TENM4: variants seen among roughly 807,000 people sequenced by gnomAD.
TENM4 encodes the protein teneurin transmembrane protein 4, also known as teneurin-4.
In TENM4, 82 loss-of-function variants were observed where a neutral mutation model predicts 243.3. That is an observed-to-expected ratio of 0.34 (90% CI 0.28 to 0.40). The LOEUF is 0.40. Ranked by LOEUF, TENM4 falls within the 10% of genes least tolerant of loss-of-function variation. The probability of loss-of-function intolerance (pLI) is 1.00; values close to 1 mark genes in which losing one functional copy is unlikely to be tolerated. For synonymous variants in TENM4, 1,412 were observed against 1,456.3 expected, an observed-to-expected ratio of 0.97 and a Z score of 0.69; for missense variants, 3,138 against 3,673.3, an observed-to-expected ratio of 0.85 and a Z score of 3.77.
chr11:79,301,215 G>T (rs1485287683), intron 1 of TENM4, among the ~76,000 whole-genome samples: 2 of 152,170 alleles, frequency 1.3e-5, no homozygotes, highest in Non-Finnish European at 2.9e-5. Context: ...TTCTACTAAA[G>T]ATAAAATCCA....
At chr11:78,802,490 T>C (rs1333917896) in intron 15 of TENM4, among the ~76,000 whole-genome samples, 3 of 152,226 alleles carry the variant, frequency 2.0e-5, no homozygotes, top group Non-Finnish European at 4.4e-5. Context: ...AATGCCCTCA[T>C]TCTCCTTCAA....
chr11:78,802,636 C>T (rs550203164), intron 15 of TENM4, among the ~76,000 whole-genome samples: 7 of 152,344 alleles, frequency 4.6e-5, no homozygotes, highest in Admixed American at 2.0e-4. Flanking sequence ...ATGCAAGTCA[C>T]GGCCACTCCT....
chr11:78,933,260 G>C (rs961376156), intron 6 of TENM4, among the ~76,000 whole-genome samples: 2 of 152,112 alleles, frequency 1.3e-5, no homozygotes, highest in Non-Finnish European at 2.9e-5. Context: ...GCTGAGGAGA[G>C]AAATAAAATA....
intron 4 of TENM4, among the ~76,000 whole-genome samples, chr11:79,119,624 A>G (rs1861698414): frequency 3.9e-5 from 6 of 152,162 alleles, no homozygotes; most frequent in Admixed American, 3.9e-4. Context: ...AGTTCAAACC[A>G]ATGTGTTCCT....
At chr11:78,946,715 A>G (rs1857008374) in intron 6 of TENM4, among the ~76,000 whole-genome samples, 1 of 152,232 alleles carries the variant, frequency 6.6e-6, no homozygotes, top group Non-Finnish European at 1.5e-5. Flanking sequence ...GAGAGGGGTG[A>G]AATATTAACA....
At chr11:79,412,037 C>A (rs1858712099) in intron 1 of TENM4, among the ~76,000 whole-genome samples, 1 of 152,326 alleles carries the variant, frequency 6.6e-6, no homozygotes, top group East Asian at 1.9e-4. Flanking sequence ...AACCACAGAG[C>A]TGCACTGGCT....
intron 3 of TENM4, among the ~76,000 whole-genome samples, chr11:79,205,748 T>C (rs1380515548): frequency 1.3e-5 from 2 of 152,248 alleles, no homozygotes; most frequent in African/African-American, 4.8e-5. Context: ...TTTTGGCTAT[T>C]ATAATAACTA....
chr11:79,397,971 T>C (rs979125119), intron 1 of TENM4, among the ~76,000 whole-genome samples: 10 of 152,182 alleles, frequency 6.6e-5, no homozygotes, highest in Non-Finnish European at 1.3e-4. Context: ...TTGTGTGACA[T>C]CCTTGCACAA....
intron 6 of TENM4, among the ~76,000 whole-genome samples, chr11:79,025,706 T>G (rs1859062267): frequency 6.6e-6 from 1 of 152,204 alleles, no homozygotes; most frequent in Non-Finnish European, 1.5e-5. Context: ...CATTTGCTCT[T>G]TACGGCTAAT....
intron 1 of TENM4, among the ~76,000 whole-genome samples, chr11:79,378,624 G>A (rs900498182): frequency 6.6e-6 from 1 of 152,066 alleles, no homozygotes; most frequent in African/African-American, 2.4e-5. Flanking sequence ...GACTGCTGGG[G>A]GTTGAATCCT....
rs937422336 is a variant in TENM4, at chr11:78,702,177, C to T, written c.4436G>A (p.Gly1479Glu). 5.0e-6 allele frequency: 8 copies of T among 1,613,892 alleles called. No homozygotes were observed. In the African/African-American group the frequency reaches 5.3e-5, roughly 11 times the overall value. The change falls in exon 28 of 34, where the codon GGG (glycine) becomes GAG (glutamate). Residue 1479 changes from glycine (G) to glutamate (E), a missense_variant. Transcript: ENST00000278550. ...SATALAVSHNGVLYIAETDEK... is the reference protein window; with the variant it reads ...SATALAVSHNEVLYIAETDEK... ...ATCAGTCTCAGCAATATACAGGACC[C>T]CATTGTGTGAAACAGCCAAAGCGGT...
chr11:78,841,060 A>C (rs1858247427), intron 12 of TENM4, among the ~76,000 whole-genome samples: 1 of 152,214 alleles, frequency 6.6e-6, no homozygotes, highest in Non-Finnish European at 1.5e-5. Context: ...GTTACTGCCA[A>C]TAACAATAGC....
At chr11:79,344,308 A>G (rs543699153) in intron 1 of TENM4, among the ~76,000 whole-genome samples, 1 of 152,254 alleles carries the variant, frequency 6.6e-6, no homozygotes, top group South Asian at 2.1e-4. Context: ...CCAGAGGCTG[A>G]GGGAAGATAC....
intron 26 of TENM4, among the ~76,000 whole-genome samples, chr11:78,711,722 T>G (rs1266717348): frequency 6.6e-6 from 1 of 152,186 alleles, no homozygotes; most frequent in African/African-American, 2.4e-5. Context: ...TGAGTGTGGA[T>G]AATGATGGCT....
At chr11:79,148,105 T>A (rs2135049727) in intron 4 of TENM4, among the ~76,000 whole-genome samples, 1 of 152,236 alleles carries the variant, frequency 6.6e-6, no homozygotes, top group South Asian at 2.1e-4. Flanking sequence ...TTGATTCTCA[T>A]CCATATACTG....
chr11:79,028,503 G>A lies in TENM4; in HGVS notation c.493+36235C>T, dbSNP rs142252545. 1.5e-4 allele frequency among the ~76,000 whole-genome samples: 23 copies of A among 152,350 alleles called. No individual in the cohort carries two copies. The East Asian group carries it at 4.2e-3, about 28-fold the overall frequency. On this transcript the variant is annotated intron_variant, in intron 6 of 33. Transcript: ENST00000278550. ...TTTCAAGAGCTCTGGAGCTGGGCTG[G>A]CCTTTCAGAGTTGTCTCAAATTGGG...
chr11:79,151,219 G>A (rs1382257529), intron 3 of TENM4, among the ~76,000 whole-genome samples: 1 of 152,180 alleles, frequency 6.6e-6, no homozygotes, highest in African/African-American at 2.4e-5. Context: ...ATTGTTTAAA[G>A]CTCAGCTCTT....
intron 24 of TENM4, among the ~76,000 whole-genome samples, chr11:78,722,453 G>A (rs1025616765): frequency 1.3e-5 from 2 of 152,176 alleles, no homozygotes; most frequent in Non-Finnish European, 2.9e-5. Flanking sequence ...TACTCTGGAT[G>A]CCAGGGACAT....
rs1453108995 is a variant in TENM4 at position 78,863,055 on chromosome 11, T to G, written c.1162A>C (p.Ser388Arg). Reference sequence around the variant, plus strand: ...ACGTCGGTTGGCACAGGCCAACTGCTGGCTGTGTCCTCCGTGATCTCATAC... The same window carrying G: ...ACGTCGGTTGGCACAGGCCAACTGCGGGCTGTGTCCTCCGTGATCTCATAC... The part of the protein sequence containing the change: ...QMYEITEDTA[S>R]SWPVPTDVSL... Residue 388 changes from serine (S) to arginine (R), a missense_variant, in exon 10 of 34, where the codon AGC becomes CGC. By Grantham distance (110) the Ser-to-Arg change is moderately radical. Coordinates refer to ENST00000278550, the MANE Select transcript of TENM4 (RefSeq NM_001098816.3). The G allele has an allele frequency of 6.5e-7, 1 of 1,539,120 alleles. No homozygotes were observed.
Sources: gnomAD v4.1 joint callset for allele counts (sites outside exome capture counted in the v4.1 genomes callset) on GRCh38, gnomAD v4.1.1 for gene constraint, MANE v1.5 for transcripts, NCBI Gene and HGNC (gene_info 2026-07-23, HGNC 2026-07-21) for gene names.